PLCG2: variants seen among roughly 807,000 people sequenced by gnomAD.
PLCG2 encodes the protein phospholipase C gamma 2, also known as 1-phosphatidylinositol 4,5-bisphosphate phosphodiesterase gamma-2.
In PLCG2, 69 loss-of-function variants were observed where a neutral mutation model predicts 175.6. That is an observed-to-expected ratio of 0.39 (90% CI 0.32 to 0.48). The LOEUF is 0.48. Ranked by LOEUF, PLCG2 falls within the 20% of genes least tolerant of loss-of-function variation. The pLI is 0.91. For synonymous variants in PLCG2, 827 were observed against 624.0 expected, an observed-to-expected ratio of 1.33 and a Z score of -4.85; for missense variants, 1,798 against 1,650.9, an observed-to-expected ratio of 1.09 and a Z score of -1.54.
At chr16:81,800,726 G>A (rs1173186427) in intron 2 of PLCG2, among the ~76,000 whole-genome samples, 2 of 151,840 alleles carry the variant, frequency 1.3e-5, no homozygotes, top group East Asian at 1.9e-4. Flanking sequence ...CAGAATAAAC[G>A]CTCTCTGCTC....
At chr16:81,757,783 C>G (rs545186195) in intron 2 of PLCG2, among the ~76,000 whole-genome samples, 28 of 152,176 alleles carry the variant, frequency 1.8e-4, no homozygotes, top group Non-Finnish European at 3.2e-4. Flanking sequence ...CACCCCCAAA[C>G]AGAAACCCAG....
At chr16:81,882,259 C>G (rs1017724987) in intron 8 of PLCG2, among the ~76,000 whole-genome samples, 3 of 152,208 alleles carry the variant, frequency 2.0e-5, no homozygotes, top group African/African-American at 7.2e-5. Context: ...TTCTGGTGGC[C>G]TGCTGGCCAA....
intron 31 of PLCG2, among the ~76,000 whole-genome samples, chr16:81,950,153 G>A (rs530204338): frequency 1.3e-5 from 2 of 152,274 alleles, no homozygotes; most frequent in African/African-American, 4.8e-5. Context: ...CATTTAATTT[G>A]GTGAATAGGC....
At chr16:81,743,436 C>G (rs79367953) in intron 1 of PLCG2, among the ~76,000 whole-genome samples, 23 of 152,348 alleles carry the variant, frequency 1.5e-4, no homozygotes, top group African/African-American at 5.3e-4. Context: ...ACTGGTCACC[C>G]AGGCAAAGAG....
At position 81,939,869 on chromosome 16, in the gene PLCG2, C is replaced by A. The variant is rs4405546; in HGVS notation, c.3314-23C>A. 1,465,343 of 1,585,906 alleles carry A rather than the reference C, an allele frequency of 0.92. 677,446 individuals carry two copies. The highest frequency in any genetic ancestry group is 1 in the East Asian group (44,587 of 44,596). On this transcript the variant is annotated intron_variant, in intron 29 of 32. Transcript: ENST00000564138. ...AGGGGGCAGCTCCAATGTGGCCTCTCATGAGCTTTGATCTCCTTCCAGATG... is the reference window on the plus strand; with the variant it reads ...AGGGGGCAGCTCCAATGTGGCCTCTAATGAGCTTTGATCTCCTTCCAGATG...
At chr16:81,882,338 C>G (rs1811851507) in intron 8 of PLCG2, among the ~76,000 whole-genome samples, 1 of 152,148 alleles carries the variant, frequency 6.6e-6, no homozygotes, top group South Asian at 2.1e-4. Flanking sequence ...CTAACCTCTG[C>G]TTGGTCCAGG....
At chr16:81,935,245 G>A (rs1327236119) in intron 26 of PLCG2, among the ~76,000 whole-genome samples, 2 of 152,054 alleles carry the variant, frequency 1.3e-5, no homozygotes, top group Non-Finnish European at 2.9e-5. Context: ...GCATTCCTTG[G>A]CCTTCTCCTC....
chr16:81,783,735 T>C (rs1265476699), intron 1 of PLCG2, among the ~76,000 whole-genome samples: 1 of 152,318 alleles, frequency 6.6e-6, no homozygotes, highest in African/African-American at 2.4e-5. Context: ...AAATGGACCA[T>C]GGGGGCACCT....
At chr16:81,887,976 A>G (rs117503313) in intron 9 of PLCG2, among the ~76,000 whole-genome samples, 206 of 152,284 alleles carry the variant, frequency 1.4e-3, no homozygotes, top group African/African-American at 4.2e-3. Flanking sequence ...CTGTTTGCCT[A>G]TTCTTTTGAA....
intron 8 of PLCG2, among the ~76,000 whole-genome samples, chr16:81,882,731 C>T (rs769485955): frequency 1.3e-5 from 2 of 151,848 alleles, no homozygotes; most frequent in East Asian, 3.9e-4. Flanking sequence ...CTCCTTCTTG[C>T]TCACCCCACC....
At chr16:81,879,436 T>C (rs74943801) in intron 7 of PLCG2, among the ~76,000 whole-genome samples, 3,012 of 152,310 alleles carry the variant, frequency 0.02, 56 homozygotes, top group East Asian at 0.054. Context: ...CTTAACCTTT[T>C]GGTGGGACCT....
chr16:81,802,624 T>C (rs953524497), intron 2 of PLCG2, among the ~76,000 whole-genome samples: 1 of 151,986 alleles, frequency 6.6e-6, no homozygotes, highest in Non-Finnish European at 1.5e-5. Flanking sequence ...CGGGCTGGAG[T>C]GCAGTGGCGC....
chr16:81,870,994 G>A, intron 7 of PLCG2, 59 bp downstream of exon 7: 1 of 924,046 alleles, frequency 1.1e-6, no homozygotes, highest in Non-Finnish European at 1.7e-6. Flanking sequence ...GTATTTCCAA[G>A]TCTGGCATGT....
chr16:81,875,520 A>G (rs1047165391), intron 7 of PLCG2, among the ~76,000 whole-genome samples: 1 of 152,208 alleles, frequency 6.6e-6, no homozygotes, highest in Non-Finnish European at 1.5e-5. Flanking sequence ...AGTAGAGAGA[A>G]TAGCGTAACA....
chr16:81,817,452 C>T (rs568444730), intron 2 of PLCG2, among the ~76,000 whole-genome samples: 3 of 152,328 alleles, frequency 2.0e-5, no homozygotes, highest in Admixed American at 6.5e-5. Flanking sequence ...CGCTGGAGTG[C>T]ATCGTCTTGA....
chr16:81,917,753 G>A (rs1909901861), intron 19 of PLCG2, among the ~76,000 whole-genome samples: 1 of 152,068 alleles, frequency 6.6e-6, no homozygotes, highest in South Asian at 2.1e-4. Flanking sequence ...ATGGAGTCTT[G>A]CTCTGTTGCC....
intron 2 of PLCG2, among the ~76,000 whole-genome samples, chr16:81,767,139 T>TG (rs1322071933): frequency 4.1e-4 from 51 of 124,150 alleles, no homozygotes; most frequent in African/African-American, 1.3e-3. Context: ...ACTCGTGGTT[T>TG]TTTTTTTTTT....
At chr16:81,760,758 AATAATAAT>A (rs1231827759) in intron 2 of PLCG2, among the ~76,000 whole-genome samples, 6 of 140,762 alleles carry the variant, frequency 4.3e-5, no homozygotes, top group African/African-American at 1.4e-4. Context: ...TAAAAAAAAA[AATAATAAT>A]AATAATAATA....
At chr16:81,952,001 C>T (rs1388428028) in intron 31 of PLCG2, among the ~76,000 whole-genome samples, 2 of 152,120 alleles carry the variant, frequency 1.3e-5, no homozygotes, top group African/African-American at 4.8e-5. Context: ...GTAACCACTT[C>T]TGTCTGTTCT....
Sources: allele counts gnomAD v4.1 joint callset (sites outside exome capture counted in the v4.1 genomes callset), GRCh38; gene constraint gnomAD v4.1.1; transcripts MANE v1.5; gene names NCBI Gene and HGNC (gene_info 2026-07-23, HGNC 2026-07-21).